The following SYNE2 variants were observed in gnomAD, a reference collection of about 807,000 sequenced individuals.
SYNE2 encodes the protein nesprin-2.
SYNE2 carries 431 observed loss-of-function variants against 856.3 expected under a neutral mutation model. The ratio of observed to expected loss-of-function variants is 0.50; its 90% CI spans 0.47 to 0.55. The LOEUF (loss-of-function observed/expected upper bound fraction) is 0.55, where lower values mean the gene tolerates loss of function less well. SYNE2 is among the 20% of genes least tolerant of loss of function. The probability of loss-of-function intolerance (pLI) is 0.00; values close to 1 mark genes in which losing one functional copy is unlikely to be tolerated. For missense variants in SYNE2, 8,129 were observed against 8,023.2 expected (o/e 1.01, Z -0.50); for synonymous variants, 2,923 against 2,872.3 (o/e 1.02, Z -0.56).
intron 2 of SYNE2, among the ~76,000 whole-genome samples, chr14:63,913,713 T>C (rs938057600): frequency 2.0e-4 from 31 of 151,704 alleles, no homozygotes; most frequent in African/African-American, 7.0e-4. Flanking sequence ...TTTGCCTGCC[T>C]TGGCTCCCAA....
At chr14:63,934,439 T>A (rs913392899) in intron 2 of SYNE2, among the ~76,000 whole-genome samples, 5 of 152,014 alleles carry the variant, frequency 3.3e-5, no homozygotes, top group African/African-American at 1.2e-4. Context: ...AACAATCCAG[T>A]TAGAGCCCTG....
chr14:63,764,820 C>T (rs1208556840), intron 1 of SYNE2, among the ~76,000 whole-genome samples: 1 of 152,090 alleles, frequency 6.6e-6, no homozygotes, highest in Non-Finnish European at 1.5e-5. Flanking sequence ...TGGTGGCGCA[C>T]ACCTGTGGCC....
intron 89 of SYNE2, 97 bp downstream of exon 89, chr14:64,163,678 CT>C: frequency 1.4e-6 from 2 of 1,427,900 alleles, no homozygotes; most frequent in Non-Finnish European, 1.9e-6. Flanking sequence ...TTACGGGCTG[CT>C]CCTTAGCAAA....
At chr14:63,771,608 C>G (rs942438120) in intron 1 of SYNE2, among the ~76,000 whole-genome samples, 2 of 152,074 alleles carry the variant, frequency 1.3e-5, no homozygotes, top group Non-Finnish European at 2.9e-5. Flanking sequence ...ATTAAAAACA[C>G]TAAACACAGG....
chr14:63,865,710 A>ACCCCC (rs1429490991), intron 1 of SYNE2, among the ~76,000 whole-genome samples: 7 of 27,128 alleles, frequency 2.6e-4, no homozygotes, highest in African/African-American at 5.3e-4. Flanking sequence ...AAAACTCTGT[A>ACCCCC]CCCACCCCCC....
At chr14:64,047,253 G>GA (rs1259621716) in intron 45 of SYNE2, among the ~76,000 whole-genome samples, 1 of 152,238 alleles carries the variant, frequency 6.6e-6, no homozygotes, top group East Asian at 1.9e-4. Flanking sequence ...TCTACCGACT[G>GA]AGTCTGGTGT....
intron 7 of SYNE2, among the ~76,000 whole-genome samples, chr14:63,951,609 T>C (rs1229906226): frequency 6.6e-6 from 1 of 152,198 alleles, no homozygotes; most frequent in East Asian, 1.9e-4. Context: ...GGCCCAGCCT[T>C]ACTTTTCTTT....
intron 1 of SYNE2, among the ~76,000 whole-genome samples, chr14:63,799,775 G>A (rs1888059847): frequency 6.6e-6 from 1 of 152,112 alleles, no homozygotes; most frequent in Non-Finnish European, 1.5e-5. Context: ...AATTACTCAA[G>A]TATTTCTTCC....
chr14:64,096,856 G>A (rs971092104), intron 61 of SYNE2, among the ~76,000 whole-genome samples: 1 of 152,198 alleles, frequency 6.6e-6, no homozygotes, highest in Non-Finnish European at 1.5e-5. Flanking sequence ...TGTAGGATGG[G>A]TGGATGGATG....
chr14:64,161,980 G>T (rs1162090086), intron 87 of SYNE2, 92 bp from the exon 88 acceptor site: 1 of 1,375,224 alleles, frequency 7.3e-7, no homozygotes. Flanking sequence ...TGATCCATCT[G>T]CTAGTAACTT....
chr14:64,090,783 CT>C, intron 59 of SYNE2, 82 bp from the exon 60 acceptor site: 2 of 1,239,946 alleles, frequency 1.6e-6, no homozygotes, highest in Non-Finnish European at 2.3e-6. Context: ...AAAAACTATA[CT>C]GTATTTTAAT....
intron 87 of SYNE2, among the ~76,000 whole-genome samples, chr14:64,161,378 T>A (rs2098328472): frequency 6.6e-6 from 1 of 151,920 alleles, no homozygotes; most frequent in African/African-American, 2.4e-5. Context: ...AAAGGCAAGA[T>A]ACTAGAGTCT....
chr14:63,899,896 TAATA>T (rs1431745780), intron 1 of SYNE2, among the ~76,000 whole-genome samples: 2 of 152,232 alleles, frequency 1.3e-5, no homozygotes, highest in African/African-American at 4.8e-5. Flanking sequence ...TCACAGATTA[TAATA>T]AATACCATTT....
In SYNE2 at chr14:64,019,697, T is replaced by G. The variant is rs149610925; in HGVS notation, c.5050-295T>G. 1.2e-3 allele frequency among the ~76,000 whole-genome samples: 183 copies of G among 152,294 alleles called. 2 individuals are homozygous for G. Among genetic ancestry groups the G allele is most frequent in the African/African-American group, 3.9e-3 (164 of 41,572 alleles). ...CGTGCAGATGCGCACACACGGGGTA[T>G]GCAATTTATAAATATATTTATGAAA... On this transcript the variant is annotated intron_variant, in intron 34 of 115. Transcript: ENST00000555002.
chr14:64,184,176 C>T (rs1182162200), intron 96 of SYNE2, among the ~76,000 whole-genome samples: 1 of 152,196 alleles, frequency 6.6e-6, no homozygotes, highest in Non-Finnish European at 1.5e-5. Flanking sequence ...AATTGCTTTC[C>T]TTTCAGCCGT....
At position 63,990,348 on chromosome 14, in the gene SYNE2, T is replaced by G; in HGVS notation, c.2314-63T>G. ...CTTTTTTGGTTTCCTGAGATTGTTT[T>G]GATTAATGTTTAGCATATAATCAGA... On this transcript the variant is annotated intron_variant, in intron 19 of 115. Coordinates refer to ENST00000555002, the MANE Select transcript of SYNE2 (RefSeq NM_182914.3). 2.6e-6 allele frequency: 4 copies of G among 1,529,612 alleles called. No individual in the cohort carries two copies. In the South Asian group the frequency reaches 4.7e-5, roughly 18 times the overall value. The allele number at this position is 1,529,612 out of a possible 1,614,324, so 94.8% of individuals were successfully genotyped here.
chr14:64,038,407 C>G (rs980843868), intron 45 of SYNE2, among the ~76,000 whole-genome samples: 23 of 149,930 alleles, frequency 1.5e-4, no homozygotes, highest in African/African-American at 5.5e-4. Flanking sequence ...ATGGGCGGCC[C>G]GGCAGAGACA....
At position 64,049,839 on chromosome 14, in the gene SYNE2, A is replaced by G. The variant is rs201406395; in HGVS notation, c.7606A>G (p.Met2536Val). The change falls in exon 47 of 116, where the codon ATG becomes GTG. Residue 2536 changes from methionine to valine, a missense_variant. Physicochemically the swap from Met to Val is conservative, Grantham distance 21. This residue lies in a region of SYNE2 where 5,410 missense variants were observed against 5,284.8 expected (regional missense o/e 1.02). Coordinates refer to ENST00000555002, the MANE Select transcript of SYNE2 (RefSeq NM_182914.3). ...QEYLAAVESS[M>V]KALLTDKESL... ...ATACCTTGCTGCAGTTGAATCTTCA[A>G]TGAAAGCCTTGTTGACAGACAAGGA... The G allele has an allele frequency of 7.4e-4, 1,199 of 1,614,144 alleles. 5 individuals are homozygous for G. The highest frequency in any genetic ancestry group is 1.2e-3 in the East Asian group (52 of 44,870).
chr14:64,221,799 CTG>C (rs2098695525), intron 112 of SYNE2, 95 bp downstream of exon 112: 19 of 1,448,806 alleles, frequency 1.3e-5, no homozygotes, highest in Non-Finnish European at 1.7e-5. Flanking sequence ...ATTTCAGGAA[CTG>C]TGCCAGTGGT....
Sources: gnomAD v4.1 joint callset for allele counts (sites outside exome capture counted in the v4.1 genomes callset) on GRCh38, gnomAD v4.1.1 for gene constraint, gnomAD v4.1.1 regional missense constraint, MANE v1.5 for transcripts, NCBI Gene and HGNC (gene_info 2026-07-23, HGNC 2026-07-21) for gene names.